DUS4L: variants seen among roughly 807,000 people sequenced by gnomAD.
DUS4L encodes the protein dihydrouridine synthase 4 like.
Under a neutral mutation model 33.8 loss-of-function variants are expected in DUS4L, and 31 were observed. That is an observed-to-expected ratio of 0.92 (90% CI 0.69 to 1.24). The LOEUF (loss-of-function observed/expected upper bound fraction) is 1.24, where lower values mean the gene tolerates loss of function less well. DUS4L is among the 50% of genes most tolerant of loss of function. The probability of loss-of-function intolerance (pLI) is 0.00; values close to 1 mark genes in which losing one functional copy is unlikely to be tolerated. For synonymous variants in DUS4L, 103 were observed against 120.3 expected (o/e 0.86, Z 0.94); for missense variants, 368 against 388.6 (o/e 0.95, Z 0.45).
chr7:107,573,642 GGT>G, intron 4 of DUS4L, 60 bp from the exon 5 acceptor site: 6 of 1,494,880 alleles, frequency 4.0e-6, no homozygotes, highest in East Asian at 2.4e-5. Context: ...ATTAAAGTTT[GGT>G]GTGTGTGTGC....
chr7:107,567,014 C>A, intron 2 of DUS4L, 36 bp from the exon 3 acceptor site: 2 of 1,366,904 alleles, frequency 1.5e-6, no homozygotes, highest in Non-Finnish European at 2.0e-6. Context: ...ATAGTGAAAA[C>A]ATATTTTCTC....
intron 3 of DUS4L, chr7:107,570,313 C>T (rs923266300): frequency 2.0e-5 from 3 of 152,112 alleles, no homozygotes; most frequent in Non-Finnish European, 4.4e-5. Context: ...TGGCCTCCTT[C>T]GACATCTGGT....
chr7:107,575,839 G>A (rs979381436), intron 6 of DUS4L: 1 of 162,378 alleles, frequency 6.2e-6, no homozygotes, highest in African/African-American at 2.4e-5. Flanking sequence ...TTACAGGTGT[G>A]TGTCACCACA....
At position 107,573,596 on chromosome 7, in the gene DUS4L, T is replaced by TA. The variant is rs1489908007; in HGVS notation, c.239-102dup. The stretch of plus-strand genomic sequence containing the variant: ...TTATTTGGACAGATGCTTCTTAGGC[T>TA]AAAAAATCGTTATTGCTATTTTATC... On this transcript the variant is annotated intron_variant, in intron 4 of 7. Coordinates refer to ENST00000265720, the MANE Select transcript of DUS4L (RefSeq NM_181581.3). 6 of 1,093,706 alleles carry TA rather than the reference T, an allele frequency of 5.5e-6. No homozygotes were observed. In the African/African-American group the frequency reaches 6.4e-5, roughly 12 times the overall value. The allele number at this position is 1,093,706 out of a possible 1,614,324, so 67.8% of individuals were successfully genotyped here. A position where few individuals can be genotyped will look rare whatever the true frequency, so the allele number is the denominator to read the frequency against.
chr7:107,571,015 G>C, intron 3 of DUS4L, 130 bp from the exon 4 acceptor site: 1 of 1,195,096 alleles, frequency 8.4e-7, no homozygotes, highest in Non-Finnish European at 1.2e-6. Flanking sequence ...TACTTAACAG[G>C]AATAATAGGG....
intron 3 of DUS4L, chr7:107,567,805 T>C (rs1468336): frequency 0.73 from 326,344 of 444,612 alleles, 120,867 homozygotes; most frequent in South Asian, 0.83. Flanking sequence ...CCACTGTTCC[T>C]CACAGCAGCC....
Position 107,577,710 on chromosome 7 carries a change from C to T in DUS4L, c.*150C>T. 1.3e-6 allele frequency: 1 copy of T among 742,970 alleles called. No individual in the cohort carries two copies. Among genetic ancestry groups the T allele is most frequent in the Non-Finnish European group, 2.1e-6 (1 of 478,478 alleles). The allele number at this position is 742,970 out of a possible 1,614,324, so 46.0% of individuals were successfully genotyped here. A position where few individuals can be genotyped will look rare whatever the true frequency, so the allele number is the denominator to read the frequency against. Reference sequence around the variant, plus strand: ...TTTTAAAAATCAGTTGTAGACACCACCCTCAGAGATTCTGATTAGGTAGAT... The same window carrying T: ...TTTTAAAAATCAGTTGTAGACACCATCCTCAGAGATTCTGATTAGGTAGAT... On this transcript the variant is annotated 3_prime_UTR_variant, in exon 8 of 8. Transcript: ENST00000265720.
chr7:107,570,978 A>G lies in DUS4L; in HGVS notation c.117-167A>G, dbSNP rs551176616. 20 of 859,574 alleles carry G rather than the reference A, an allele frequency of 2.3e-5. No individual in the cohort carries two copies. In the East Asian group the frequency reaches 6.1e-4, roughly 26 times the overall value. The allele number at this position is 859,574 out of a possible 1,614,324, so 53.2% of individuals were successfully genotyped here. A position where few individuals can be genotyped will look rare whatever the true frequency, so the allele number is the denominator to read the frequency against. On this transcript the variant is annotated intron_variant, in intron 3 of 7. Coordinates refer to ENST00000265720, the MANE Select transcript of DUS4L (RefSeq NM_181581.3). ...TTCAAAATTTTCTTGTGTTTGTTTT[A>G]TATATAATATCCAAGGTTTTTAGTA...
intron 2 of DUS4L, among the ~76,000 whole-genome samples, chr7:107,566,379 A>C (rs1804702153): frequency 6.6e-6 from 1 of 152,230 alleles, no homozygotes. Flanking sequence ...TTTTAAGTAT[A>C]GCAAATGTAA....
chr7:107,576,527 T>C lies in DUS4L; in HGVS notation c.641T>C (p.Ile214Thr). 1 of 1,606,938 alleles carries C rather than the reference T, an allele frequency of 6.2e-7. No individual in the cohort carries two copies. The change falls in exon 7 of 8, where the codon ATT (isoleucine) becomes ACT (threonine). Residue 214 changes from isoleucine (I) to threonine (T), a missense_variant. Ile to Thr is a moderately conservative substitution (Grantham distance 89). Transcript: ENST00000265720. Reference protein sequence around the residue: ...IIKENMSIPVIANGDIRSLKE... With the variant: ...IIKENMSIPVTANGDIRSLKE... ...AAGGAAAATATGTCTATACCTGTAATTGCTAATGGAGACATCAGAAGCTTA... is the reference window on the plus strand; with the variant it reads ...AAGGAAAATATGTCTATACCTGTAACTGCTAATGGAGACATCAGAAGCTTA...
intron 2 of DUS4L, among the ~76,000 whole-genome samples, chr7:107,565,100 T>C (rs1280797235): frequency 3.9e-5 from 6 of 152,208 alleles, no homozygotes; most frequent in Non-Finnish European, 5.9e-5. Context: ...GGGTGATTCA[T>C]TCATTACTTG....
At chr7:107,567,943 C>A (rs1804868570) in intron 3 of DUS4L, 1 of 225,514 alleles carries the variant, frequency 4.4e-6, no homozygotes, top group African/African-American at 2.3e-5. Flanking sequence ...ATAACATCCT[C>A]AAGGTTCATT....
chr7:107,568,489 T>C (rs1804908780), intron 3 of DUS4L, among the ~76,000 whole-genome samples: 1 of 152,214 alleles, frequency 6.6e-6, no homozygotes, highest in African/African-American at 2.4e-5. Context: ...CATTTGTATG[T>C]TGTCTTTGTA....
Position 107,576,427 on chromosome 7 carries a change from T to G in DUS4L, c.541T>G (p.Ser181Ala), listed in dbSNP as rs776073971. Residue 181 changes from serine to alanine, a missense_variant, in exon 7 of 8, where the codon TCA (serine) becomes GCA (alanine). Coordinates refer to ENST00000265720, the MANE Select transcript of DUS4L (RefSeq NM_181581.3). ...TCAAAAGGCTGAAGCAACAGGAGTT[T>G]CATGGATTACAGTCCATGGAAGAAC... ...LCQKAEATGV[S>A]WITVHGRTAE... The G allele has an allele frequency of 6.2e-7, 1 of 1,612,386 alleles. No individual in the cohort carries two copies. The highest frequency in any genetic ancestry group is 8.5e-7 in the Non-Finnish European group (1 of 1,179,684).
chr7:107,571,126 A>G lies in DUS4L; in HGVS notation c.117-19A>G. ...TGTGGTGTTTCTAAATGCATAATTA[A>G]GGTTTTATATGCTCACAGGTTGGCT... On this transcript the variant is annotated intron_variant, in intron 3 of 7. Transcript: ENST00000265720. 2 of 1,613,104 alleles carry G rather than the reference A, an allele frequency of 1.2e-6. No individual in the cohort carries two copies. Among genetic ancestry groups the G allele is most frequent in the South Asian group, 2.2e-5 (2 of 90,896 alleles).
intron 3 of DUS4L, 144 bp downstream of exon 3, chr7:107,567,330 C>A: frequency 3.1e-6 from 2 of 654,226 alleles, no homozygotes; most frequent in Non-Finnish European, 5.3e-6. Context: ...AGTCATGATG[C>A]TACTACTTGC....
At chr7:107,566,491 A>T (rs1464575696) in intron 2 of DUS4L, among the ~76,000 whole-genome samples, 1 of 152,210 alleles carries the variant, frequency 6.6e-6, no homozygotes, top group Non-Finnish European at 1.5e-5. Flanking sequence ...AATTTTCACT[A>T]GATAATATCA....
In DUS4L at chr7:107,573,826, A is replaced by G; in HGVS notation, c.356+5A>G. 6.7e-7 allele frequency: 1 copy of G among 1,502,670 alleles called. No homozygotes were observed. The highest frequency in any genetic ancestry group is 8.9e-7 in the Non-Finnish European group (1 of 1,123,416). 93.1% of individuals were successfully genotyped at this position (1,502,670 alleles called of 1,614,324 possible). On this transcript the variant is annotated splice_donor_5th_base_variant and intron_variant, in intron 5 of 7. Coordinates refer to ENST00000265720, the MANE Select transcript of DUS4L (RefSeq NM_181581.3). The stretch of plus-strand genomic sequence containing the variant: ...TAACTGTGGTTGCCCTCAGAGGTAA[A>G]GCTCAAAGAAGTTGGAAGAATTTTC...
At chr7:107,564,508 G>A (rs1284743042) in intron 1 of DUS4L, 80 bp from the exon 2 acceptor site, 2 of 154,436 alleles carry the variant, frequency 1.3e-5, no homozygotes, top group South Asian at 1.9e-4. Context: ...ACCATAAAAG[G>A]ACCAATAAAA....
Sources: allele counts gnomAD v4.1 joint callset (sites outside exome capture counted in the v4.1 genomes callset), GRCh38; gene constraint gnomAD v4.1.1; transcripts MANE v1.5; gene names NCBI Gene and HGNC (gene_info 2026-07-23, HGNC 2026-07-21).